Variants in CACNA1E observed in about 807,000 individuals in gnomAD.
CACNA1E encodes the protein calcium voltage-gated channel subunit alpha1 E, also known as voltage-dependent R-type calcium channel subunit alpha-1E.
A neutral mutation model predicts 259.2 loss-of-function variants in CACNA1E; 40 were observed. That is an observed-to-expected ratio of 0.15 (90% CI 0.12 to 0.20). The LOEUF is 0.20. Among genes scored for constraint, CACNA1E ranks in the 10% least tolerant of loss-of-function variants. CACNA1E has a pLI of 1.00. For missense variants in CACNA1E, 1,874 were observed against 3,040.1 expected (o/e 0.62, Z 9.02); for synonymous variants, 1,104 against 1,138.5 (o/e 0.97, Z 0.61).
At chr1:181,457,276 A>G (rs1661521550) in intron 2 of CACNA1E, among the ~76,000 whole-genome samples, 1 of 152,174 alleles carries the variant, frequency 6.6e-6, no homozygotes, top group African/African-American at 2.4e-5. Context: ...CACCCTTATG[A>G]CCTAATCACT....
At chr1:181,582,384 C>A (rs920426802) in intron 6 of CACNA1E, among the ~76,000 whole-genome samples, 2 of 152,224 alleles carry the variant, frequency 1.3e-5, no homozygotes, top group East Asian at 3.9e-4. Context: ...GAGGCCATGC[C>A]ACTCAAATTA....
chr1:181,744,398 T>C (rs1656863992), intron 25 of CACNA1E, among the ~76,000 whole-genome samples: 1 of 152,106 alleles, frequency 6.6e-6, no homozygotes, highest in Non-Finnish European at 1.5e-5. Flanking sequence ...GGGAGGATTG[T>C]TTAAGGCTGG....
chr1:181,585,770 G>T (rs148320928), intron 6 of CACNA1E, among the ~76,000 whole-genome samples: 104 of 152,310 alleles, frequency 6.8e-4, no homozygotes, highest in African/African-American at 2.5e-3. Flanking sequence ...ATGGGGACGG[G>T]CTGGGTGTAT....
chr1:181,525,458 G>A (rs1031816155), intron 3 of CACNA1E, among the ~76,000 whole-genome samples: 1 of 151,990 alleles, frequency 6.6e-6, no homozygotes, highest in Non-Finnish European at 1.5e-5. Context: ...TTTTATTTTT[G>A]TTGTCATGCT....
At chr1:181,789,423 C>T (rs1661105511) in intron 43 of CACNA1E, among the ~76,000 whole-genome samples, 1 of 152,156 alleles carries the variant, frequency 6.6e-6, no homozygotes, top group Non-Finnish European at 1.5e-5. Context: ...AATCCTTGCT[C>T]ATGCCTTGAG....
chr1:181,689,651 G>A (rs1211335795), intron 7 of CACNA1E, among the ~76,000 whole-genome samples: 1 of 150,846 alleles, frequency 6.6e-6, no homozygotes, highest in African/African-American at 2.4e-5. Flanking sequence ...GTTGTTTCCT[G>A]ACTTTAATAA....
At chr1:181,353,579 G>A (rs1653198864) in intron 1 of CACNA1E, among the ~76,000 whole-genome samples, 1 of 152,224 alleles carries the variant, frequency 6.6e-6, no homozygotes, top group Non-Finnish European at 1.5e-5. Flanking sequence ...GCATGAATAT[G>A]CTGTTGGGTG....
rs74380295 is a variant in CACNA1E, at chr1:181,446,833, A to G, written c.434+33253A>G. ...GTGGGGCTGTGGCACCTACTAGATC[A>G]CTGTGTTATTTCCAGATCCTGTGTT... On this transcript the variant is annotated intron_variant, in intron 2 of 11. Transcript: ENST00000524607. 2.0e-5 allele frequency among the ~76,000 whole-genome samples: 3 copies of G among 152,166 alleles called. No homozygotes were observed. The South Asian group carries it at 6.2e-4, about 32-fold the overall frequency.
chr1:181,562,003 C>T (rs1011174790), intron 3 of CACNA1E, among the ~76,000 whole-genome samples: 2 of 151,810 alleles, frequency 1.3e-5, no homozygotes, highest in Non-Finnish European at 2.9e-5. Context: ...AATAATGTCC[C>T]ATCTTTTCAT....
At chr1:181,586,135 A>G (rs778377994) in intron 6 of CACNA1E, among the ~76,000 whole-genome samples, 3 of 152,210 alleles carry the variant, frequency 2.0e-5, no homozygotes, top group Non-Finnish European at 4.4e-5. Flanking sequence ...AGTAGAGCTC[A>G]TGGGATTCTT....
intron 6 of CACNA1E, among the ~76,000 whole-genome samples, chr1:181,650,414 G>A (rs189203719): frequency 1.3e-5 from 2 of 152,192 alleles, no homozygotes; most frequent in Admixed American, 1.3e-4. Flanking sequence ...AGTGGGGGTC[G>A]AAGGGATTTC....
In CACNA1E at chr1:181,767,139, C is replaced by T. The variant is rs79331545; in HGVS notation, c.4881+528C>T. Among the ~76,000 whole-genome samples the T allele has an allele frequency of 1.8e-4, 27 of 152,316 alleles. No homozygotes were observed. In the East Asian group the frequency reaches 4.6e-3, roughly 26 times the overall value. On this transcript the variant is annotated intron_variant, in intron 35 of 47. Transcript: ENST00000367573. ...CTAAGATACATCACTGTGAACAACT[C>T]ATGGAGTTCCTGGCAGCCCGTTCAT... is the stretch of plus-strand genomic sequence containing the variant.
chr1:181,715,818 T>A (rs1461951114), intron 9 of CACNA1E, among the ~76,000 whole-genome samples: 2 of 152,196 alleles, frequency 1.3e-5, no homozygotes, highest in Non-Finnish European at 2.9e-5. Context: ...TAGCATGGCT[T>A]CCAGAGCTCT....
Position 181,731,218 on chromosome 1 carries a change from C to T in CACNA1E, c.2284C>T (p.Arg762Cys), listed in dbSNP as rs774490890. The change falls in exon 19 of 48, where the codon CGC (arginine) becomes TGC (cysteine). Residue 762 changes from arginine (R) to cysteine (C), a missense_variant. By Grantham distance (180) the Arg-to-Cys change is radical. Coordinates refer to ENST00000367573, the MANE Select transcript of CACNA1E (RefSeq NM_001205293.3). Reference sequence around the variant, plus strand: ...ACACCACATGTCGATGTGGGAGCCACGCAGCAGCCACCTGTATGTGTGTAC... The same window carrying T: ...ACACCACATGTCGATGTGGGAGCCATGCAGCAGCCACCTGTATGTGTGTAC... ...RRHHMSMWEPRSSHLRERRRR... is the reference protein window; with the variant it reads ...RRHHMSMWEPCSSHLRERRRR... 11 of 1,613,498 alleles carry T rather than the reference C, an allele frequency of 6.8e-6. No individual in the cohort carries two copies. Among genetic ancestry groups the T allele is most frequent in the African/African-American group, 4.0e-5 (3 of 74,914 alleles).
intron 3 of CACNA1E, among the ~76,000 whole-genome samples, chr1:181,513,440 G>A (rs954468567): frequency 2.6e-5 from 4 of 152,178 alleles, no homozygotes; most frequent in African/African-American, 9.7e-5. Flanking sequence ...CATTTTTGCA[G>A]TTACTTGACA....
At chr1:181,753,987 C>T (rs1259579959) in intron 27 of CACNA1E, among the ~76,000 whole-genome samples, 1 of 152,180 alleles carries the variant, frequency 6.6e-6, no homozygotes, top group African/African-American at 2.4e-5. Flanking sequence ...ACCCCGCCTT[C>T]CCCCCTGGAG....
intron 33 of CACNA1E, among the ~76,000 whole-genome samples, chr1:181,763,011 A>T (rs1658718757): frequency 1.3e-5 from 2 of 152,074 alleles, no homozygotes; most frequent in Non-Finnish European, 2.9e-5. Flanking sequence ...TTTTCCATAA[A>T]CTTGTTCCTT....
intron 6 of CACNA1E, among the ~76,000 whole-genome samples, chr1:181,620,144 G>A (rs1026943799): frequency 2.0e-5 from 3 of 152,110 alleles, no homozygotes; most frequent in African/African-American, 7.2e-5. Flanking sequence ...TATTCTGGGG[G>A]TCAACTGATT....
In CACNA1E at chr1:181,794,959, A is replaced by G. The variant is rs772493690; in HGVS notation, c.6123A>G (p.Arg2041=). Residue 2041 remains arginine, a synonymous_variant, in exon 46 of 48, where the codon CGA becomes CGG. Transcript: ENST00000367573. ...GGTTGGAGGAATTCTCCATGGAGCG[A>G]AGCAGTGAAAATACCTACAAGTCCC... ...SSWLEEFSME[R]SSENTYKSRR... The G allele has an allele frequency of 6.2e-7, 1 of 1,614,002 alleles. No homozygotes were observed.
Sources: allele counts gnomAD v4.1 joint callset (sites outside exome capture counted in the v4.1 genomes callset), GRCh38; gene constraint gnomAD v4.1.1; transcripts MANE v1.5; gene names NCBI Gene and HGNC (gene_info 2026-07-23, HGNC 2026-07-21).